Variants in HMGB1 observed in about 807,000 individuals in gnomAD.
The protein encoded by HMGB1 is high mobility group protein B1.
For synonymous variants in HMGB1, 81 were observed against 84.0 expected, an observed-to-expected ratio of 0.96 and a Z score of 0.19; for missense variants, 79 against 253.5, an observed-to-expected ratio of 0.31 and a Z score of 4.67.
intron 1 of HMGB1, among the ~76,000 whole-genome samples, chr13:30,551,384 T>C (rs1020144125): frequency 4.6e-5 from 7 of 152,230 alleles, no homozygotes; most frequent in African/African-American, 1.7e-4. Flanking sequence ...CTGTTGACTC[T>C]TCTGCCCTCT....
chr13:30,613,473 G>C (rs932547144), intron 1 of HMGB1, among the ~76,000 whole-genome samples: 1 of 152,188 alleles, frequency 6.6e-6, no homozygotes, highest in Non-Finnish European at 1.5e-5. Context: ...GCATGAGCTG[G>C]AAAGAACAAA....
At chr13:30,533,217 G>A (rs1888536710) in intron 1 of HMGB1, among the ~76,000 whole-genome samples, 3 of 152,340 alleles carry the variant, frequency 2.0e-5, no homozygotes, top group African/African-American at 7.2e-5. Context: ...GGGAGGCACT[G>A]GGATTGGAGC....
intron 1 of HMGB1, among the ~76,000 whole-genome samples, chr13:30,603,625 C>A (rs977228090): frequency 6.6e-6 from 1 of 152,148 alleles, no homozygotes; most frequent in African/African-American, 2.4e-5. Flanking sequence ...CTAAGGATAT[C>A]AAAATCTGCA....
At chr13:30,611,761 T>C (rs944864133) in intron 1 of HMGB1, among the ~76,000 whole-genome samples, 3 of 151,994 alleles carry the variant, frequency 2.0e-5, no homozygotes, top group African/African-American at 4.8e-5. Context: ...CTTTGCACAT[T>C]AAATACAAGC....
upstream of HMGB1, among the ~76,000 whole-genome samples, chr13:30,467,848 C>T (rs546433373): frequency 2.6e-5 from 4 of 152,326 alleles, no homozygotes; most frequent in African/African-American, 9.6e-5. Flanking sequence ...CACGGCCATA[C>T]ACTTTACTGG....
In HMGB1 at chr13:30,559,090, C is replaced by A. The variant is rs1869823502; in HGVS notation, c.-15+57581G>T. On this transcript the variant is annotated intron_variant, in intron 1 of 4. Transcript: ENST00000405805. This position sits in a 1 kb window ranked among gnomAD's most constrained non-coding sequence, Gnocchi z 6.6. The stretch of plus-strand genomic sequence containing the variant: ...AGTTACTTTTAATTTTTAAAAATAT[C>A]TTTTGAGGACTTCTCTAGAAATAGG... Among the ~76,000 whole-genome samples, 1 of 151,964 alleles carries A rather than the reference C, an allele frequency of 6.6e-6. No individual in the cohort carries two copies. Among genetic ancestry groups the A allele is most frequent in the Non-Finnish European group, 1.5e-5 (1 of 68,000 alleles).
intron 1 of HMGB1, among the ~76,000 whole-genome samples, chr13:30,477,901 T>G (rs1466995948): frequency 6.6e-6 from 1 of 151,942 alleles, no homozygotes; most frequent in East Asian, 1.9e-4. Context: ...AAACAGAGGG[T>G]GACTGCTAAC....
intron 1 of HMGB1, among the ~76,000 whole-genome samples, chr13:30,583,839 A>AAAAAAGAAAGAAAG (rs1555242864): frequency 7.3e-6 from 1 of 137,666 alleles, no homozygotes; most frequent in African/African-American, 2.9e-5. Context: ...AAAAAAAAAA[A>AAAAAAGAAAGAAAG]AAAGAAAGAA....
chr13:30,598,444 C>G (rs1871712797), intron 1 of HMGB1, among the ~76,000 whole-genome samples: 2 of 152,232 alleles, frequency 1.3e-5, no homozygotes, highest in African/African-American at 4.8e-5. Context: ...ATAACAGTAC[C>G]TGGCATAAAA....
intron 1 of HMGB1, among the ~76,000 whole-genome samples, chr13:30,609,929 T>C (rs1300961664): frequency 6.6e-6 from 1 of 152,208 alleles, no homozygotes; most frequent in East Asian, 1.9e-4. Context: ...TTTCGTTCCT[T>C]TGTATGGATG....
intron 1 of HMGB1, among the ~76,000 whole-genome samples, chr13:30,484,606 A>C (rs1887317109): frequency 6.6e-6 from 1 of 152,158 alleles, no homozygotes; most frequent in Non-Finnish European, 1.5e-5. Context: ...GCAGTGGTTC[A>C]CGCCTGTAAT....
At chr13:30,504,229 C>A (rs1331654902) in intron 1 of HMGB1, among the ~76,000 whole-genome samples, 1 of 152,140 alleles carries the variant, frequency 6.6e-6, no homozygotes, top group Admixed American at 6.5e-5. Flanking sequence ...TTACCCCACC[C>A]CAGCCTGTGA....
At chr13:30,509,760 C>T (rs1354473971) in intron 1 of HMGB1, among the ~76,000 whole-genome samples, 1 of 152,126 alleles carries the variant, frequency 6.6e-6, no homozygotes, top group African/African-American at 2.4e-5. Context: ...ATATAATGCA[C>T]TGCTGTATTC....
At position 30,463,755 on chromosome 13, in the gene HMGB1, G is replaced by A. The variant is rs1442777016; in HGVS notation, c.-14-61C>T. On this transcript the variant is annotated intron_variant, in intron 1 of 4. Coordinates refer to ENST00000341423, the MANE Select transcript of HMGB1 (RefSeq NM_002128.7). ...AAATTATGACATATAAGACCTTAAA[G>A]TACTTAGTAAGGGAATGAAAACCAA... is the stretch of plus-strand genomic sequence containing the variant. 14 of 1,122,528 alleles carry A rather than the reference G, an allele frequency of 1.2e-5. No individual in the cohort carries two copies. In the South Asian group the frequency reaches 1.8e-4, roughly 14 times the overall value. The allele number at this position is 1,122,528 out of a possible 1,614,324, so 69.5% of individuals were successfully genotyped here.
At chr13:30,527,097 C>G (rs1377585006) in intron 1 of HMGB1, among the ~76,000 whole-genome samples, 1 of 152,232 alleles carries the variant, frequency 6.6e-6, no homozygotes, top group African/African-American at 2.4e-5. Context: ...GCTCAAGAGT[C>G]CTCACAGAGC....
chr13:30,508,555 G>A (rs1457436915), intron 1 of HMGB1, among the ~76,000 whole-genome samples: 1 of 151,506 alleles, frequency 6.6e-6, no homozygotes, highest in Non-Finnish European at 1.5e-5. Flanking sequence ...AAAAAAGTAG[G>A]CCTTTGAAAA....
chr13:30,543,729 A>G (rs1869020075), intron 1 of HMGB1, among the ~76,000 whole-genome samples: 1 of 152,134 alleles, frequency 6.6e-6, no homozygotes, highest in South Asian at 2.1e-4. Context: ...CTGAAGCCCC[A>G]ACTGCAAAAT....
At chr13:30,519,002 G>A (rs1022241001) in intron 1 of HMGB1, among the ~76,000 whole-genome samples, 1 of 152,072 alleles carries the variant, frequency 6.6e-6, no homozygotes, top group Non-Finnish European at 1.5e-5. Context: ...GGGATTATGG[G>A]TGTGAGCCAC....
At chr13:30,534,199 A>G (rs746279469) in intron 1 of HMGB1, among the ~76,000 whole-genome samples, 1 of 152,166 alleles carries the variant, frequency 6.6e-6, no homozygotes, top group African/African-American at 2.4e-5. Context: ...AACATGTGAA[A>G]AAGATGACCG....
Sources: allele counts gnomAD v4.1 joint callset (sites outside exome capture counted in the v4.1 genomes callset), GRCh38; gene constraint gnomAD v4.1.1; non-coding constraint Gnocchi (gnomAD v3.1); transcripts MANE v1.5; gene names NCBI Gene and HGNC (gene_info 2026-07-23, HGNC 2026-07-21).